Variants in ASTN2 observed in about 807,000 individuals in gnomAD.
ASTN2 encodes the protein astrotactin-2.
In ASTN2, 54 loss-of-function variants were observed where a neutral mutation model predicts 139.8. The ratio of observed to expected loss-of-function variants is 0.39; its 90% CI spans 0.31 to 0.48. ASTN2 has a LOEUF of 0.48. Among genes scored for constraint, ASTN2 ranks in the 20% least tolerant of loss-of-function variants. The probability of loss-of-function intolerance (pLI) is 0.95; values close to 1 mark genes in which losing one functional copy is unlikely to be tolerated. For missense variants in ASTN2, 1,565 were observed against 1,725.1 expected, an observed-to-expected ratio of 0.91 and a Z score of 1.64; for synonymous variants, 756 against 719.5, an observed-to-expected ratio of 1.05 and a Z score of -0.81.
chr9:116,867,982 G>T (rs1242513671), intron 10 of ASTN2, among the ~76,000 whole-genome samples: 1 of 152,194 alleles, frequency 6.6e-6, no homozygotes, highest in Non-Finnish European at 1.5e-5. Flanking sequence ...GGGTCTGTGG[G>T]ATCTTAGAGC....
At chr9:117,122,078 G>A (rs2132816109) in intron 4 of ASTN2, among the ~76,000 whole-genome samples, 1 of 152,264 alleles carries the variant, frequency 6.6e-6, no homozygotes, top group South Asian at 2.1e-4. Flanking sequence ...AATACTGTGT[G>A]GATTGCAAGT....
chr9:117,407,422 G>A (rs995968567), intron 1 of ASTN2, among the ~76,000 whole-genome samples: 3 of 152,184 alleles, frequency 2.0e-5, no homozygotes, highest in African/African-American at 7.2e-5. Context: ...TGCGTTGACT[G>A]TTGTAATTGT....
chr9:116,467,268 C>A (rs1250072261), intron 20 of ASTN2, among the ~76,000 whole-genome samples: 1 of 117,778 alleles, frequency 8.5e-6, no homozygotes, highest in African/African-American at 3.1e-5. Flanking sequence ...GAGAGAGAGT[C>A]CTTTTTTTTC....
At chr9:117,144,008 A>G (rs1291220482) in intron 3 of ASTN2, among the ~76,000 whole-genome samples, 1 of 152,132 alleles carries the variant, frequency 6.6e-6, no homozygotes, top group African/African-American at 2.4e-5. Context: ...GTGTGACTGT[A>G]TTTGGAGGTG....
chr9:117,082,213 C>G (rs1034152384), intron 5 of ASTN2, among the ~76,000 whole-genome samples: 1 of 152,140 alleles, frequency 6.6e-6, no homozygotes, highest in African/African-American at 2.4e-5. Flanking sequence ...CTCCAAAATC[C>G]AACTAGTCTC....
chr9:116,978,806 C>T (rs1384232932), intron 7 of ASTN2, among the ~76,000 whole-genome samples: 1 of 151,218 alleles, frequency 6.6e-6, no homozygotes, highest in Non-Finnish European at 1.5e-5. Context: ...AAAAAATCTC[C>T]TCTCATCTTT....
intron 16 of ASTN2, chr9:116,686,653 C>A: frequency 6.5e-7 from 1 of 1,535,282 alleles, no homozygotes; most frequent in East Asian, 2.5e-5. Context: ...GATTCCTCCA[C>A]CTTCACCCGA....
intron 3 of ASTN2, among the ~76,000 whole-genome samples, chr9:117,143,917 T>G (rs959833850): frequency 3.3e-5 from 5 of 152,116 alleles, no homozygotes; most frequent in Admixed American, 6.5e-5. Context: ...CTCCCAAAGA[T>G]CCTATCTCCA....
chr9:116,843,225 G>A (rs926517802), intron 11 of ASTN2, among the ~76,000 whole-genome samples: 10 of 152,156 alleles, frequency 6.6e-5, no homozygotes, highest in African/African-American at 2.4e-5. Context: ...TTAAAAAAAT[G>A]TGGTGTGTAT....
At chr9:116,731,997 T>A (rs1828797948) in intron 14 of ASTN2, among the ~76,000 whole-genome samples, 1 of 152,176 alleles carries the variant, frequency 6.6e-6, no homozygotes, top group African/African-American at 2.4e-5. Context: ...AGCTCCGAAA[T>A]TTTATGATCT....
At chr9:117,365,275 G>GAAAGAAAGAAAGAAATAGAAAGAA (rs1829808010) in intron 1 of ASTN2, among the ~76,000 whole-genome samples, 1 of 144,388 alleles carries the variant, frequency 6.9e-6, no homozygotes, top group Admixed American at 6.9e-5. Context: ...AAAAAAGACA[G>GAAAGAAAGAAAGAAATAGAAAGAA]AAAGAAAGAA....
At position 117,200,813 on chromosome 9, in the gene ASTN2, C is replaced by T. The variant is rs372776206; in HGVS notation, c.1015+13545G>A. On this transcript the variant is annotated intron_variant, in intron 3 of 22. Coordinates refer to ENST00000313400, the MANE Select transcript of ASTN2 (RefSeq NM_001365068.1). ...ATCGATGTTCATCAGGGATATTGGC[C>T]TGAAGTTTTCTTTCTTTGTTGTGTC... Among the ~76,000 whole-genome samples the T allele has an allele frequency of 5.9e-5, 9 of 152,210 alleles. No individual in the cohort carries two copies. In the South Asian group the frequency reaches 1.9e-3, roughly 32 times the overall value.
At chr9:116,578,912 T>C (rs1024014590) in intron 19 of ASTN2, 1 of 152,134 alleles carries the variant, frequency 6.6e-6, no homozygotes, top group South Asian at 2.1e-4. Context: ...CAAATATTTT[T>C]GTATTATTAT....
In ASTN2 at chr9:116,441,345, G is replaced by C. The variant is rs184756156; in HGVS notation, c.3599-553C>G. On this transcript the variant is annotated intron_variant, in intron 21 of 22. Transcript: ENST00000313400. The stretch of plus-strand genomic sequence containing the variant: ...TAACTTCAATACATCATGAGTAGAA[G>C]GCATATTCTTCCAGCTTCAAAAACC... Among the ~76,000 whole-genome samples the C allele has an allele frequency of 1.4e-3, 213 of 151,940 alleles. 1 individual carries two copies. The highest frequency in any genetic ancestry group is 7.3e-3 in the Admixed American group (111 of 15,236).
At chr9:117,104,046 C>G (rs1483728478) in intron 4 of ASTN2, among the ~76,000 whole-genome samples, 1 of 152,172 alleles carries the variant, frequency 6.6e-6, no homozygotes, top group Non-Finnish European at 1.5e-5. Context: ...AGAGGTGGAG[C>G]TCCTTACTTG....
chr9:117,003,627 C>T (rs921692623), intron 7 of ASTN2, among the ~76,000 whole-genome samples: 6 of 145,808 alleles, frequency 4.1e-5, no homozygotes, highest in Non-Finnish European at 6.0e-5. Context: ...TTGGATGACC[C>T]GCTGTTTAGA....
At chr9:117,180,625 A>ATTT in intron 3 of ASTN2, 1 of 998,464 alleles carries the variant, frequency 1.0e-6, no homozygotes, top group Middle Eastern at 2.9e-4. Flanking sequence ...GATCTGGAGT[A>ATTT]TCTTTTTTTT....
At chr9:117,313,089 C>G (rs1319377906) in intron 1 of ASTN2, among the ~76,000 whole-genome samples, 1 of 152,218 alleles carries the variant, frequency 6.6e-6, no homozygotes, top group Non-Finnish European at 1.5e-5. Context: ...AACCCACGTT[C>G]AGAATCCTCA....
intron 7 of ASTN2, among the ~76,000 whole-genome samples, chr9:116,984,293 C>T (rs1343852820): frequency 6.6e-6 from 1 of 152,194 alleles, no homozygotes; most frequent in South Asian, 2.1e-4. Flanking sequence ...GGCCAGTTAT[C>T]TTTTCAAAGA....
Sources: gnomAD v4.1 joint callset for allele counts (sites outside exome capture counted in the v4.1 genomes callset) on GRCh38, gnomAD v4.1.1 for gene constraint, MANE v1.5 for transcripts, NCBI Gene and HGNC (gene_info 2026-07-23, HGNC 2026-07-21) for gene names.